The following ZRSR2 variants were observed in gnomAD, a reference collection of about 807,000 sequenced individuals.
ZRSR2 encodes zinc finger CCCH-type, RNA binding motif and serine/arginine rich 2.
A neutral mutation model predicts 39.4 loss-of-function variants in ZRSR2; 3 were observed. That is an observed-to-expected ratio of 0.08 (90% CI 0.03 to 0.20). ZRSR2 has a LOEUF of 0.20. ZRSR2 is among the 10% of genes least tolerant of loss of function. The pLI is 1.00. For synonymous variants in ZRSR2, 137 were observed against 136.0 expected, an observed-to-expected ratio of 1.01 and a Z score of -0.05; for missense variants, 256 against 391.5, an observed-to-expected ratio of 0.65 and a Z score of 2.92.
At chrX:15,822,647 C>A in intron 10 of ZRSR2, 84 bp from the exon 11 acceptor site, 1 of 1,190,223 alleles carries the variant, frequency 8.4e-7, no homozygotes, top group Non-Finnish European at 1.1e-6. Context: ...ATCCAAATAT[C>A]AGAAATGTAC....
chrX:15,821,909 G>A (rs1933116414), intron 10 of ZRSR2, among the ~76,000 whole-genome samples: 1 of 111,178 alleles, frequency 9.0e-6, no homozygotes, highest in African/African-American at 3.3e-5. Flanking sequence ...TGTATTAAAA[G>A]CACTTAGTGA....
Position 15,822,894 on chromosome X carries a change from G to A in ZRSR2, c.1101G>A (p.Met367Ile). ...FGKNSERRER[M>I]GHHDDYYSRL... ...AGAACTCCGAAAGGAGGGAGAGGAT[G>A]GGCCACCACGACGACTACTACAGCA... Residue 367 changes from methionine (M) to isoleucine (I), a missense_variant, in exon 11 of 11, where the codon ATG (methionine) becomes ATA (isoleucine). By Grantham distance (10) the Met-to-Ile change is conservative. Coordinates refer to ENST00000307771, the MANE Select transcript of ZRSR2 (RefSeq NM_005089.4). The A allele has an allele frequency of 1.6e-6, 2 of 1,212,308 alleles. No homozygotes were observed. Among genetic ancestry groups the A allele is most frequent in the Non-Finnish European group, 2.2e-6 (2 of 895,658 alleles).
Position 15,803,772 on chromosome X carries a change from T to TA in ZRSR2, c.294dup (p.Arg99ThrfsTer46), listed in dbSNP as rs1932745453. The TA allele has an allele frequency of 8.4e-7, 1 of 1,192,160 alleles. No homozygotes were observed. Among genetic ancestry groups the TA allele is most frequent in the Non-Finnish European group, 1.1e-6 (1 of 885,913 alleles). Reference sequence around the variant, plus strand: ...TAAAGAAGGAAAAGGAAGAGGCGGCTAAAAAACGGCAAGAAGAACAAGAGG... The same window carrying TA: ...TAAAGAAGGAAAAGGAAGAGGCGGCTAAAAAAACGGCAAGAAGAACAAGAGG... On this transcript the variant is annotated frameshift_variant, in exon 4 of 11. Transcript: ENST00000307771. LOFTEE classifies it high-confidence loss of function.
intron 3 of ZRSR2, among the ~76,000 whole-genome samples, chrX:15,800,391 C>T (rs968466728): frequency 5.5e-5 from 6 of 109,130 alleles, no homozygotes; most frequent in African/African-American, 1.7e-4. Context: ...TTCACCATGT[C>T]GGCCAGGGTG....
intron 6 of ZRSR2, among the ~76,000 whole-genome samples, chrX:15,808,757 G>T (rs1426991224): frequency 9.1e-6 from 1 of 109,770 alleles, no homozygotes; most frequent in African/African-American, 3.3e-5. Flanking sequence ...AAGTAGCTGG[G>T]ATTATAGGTG....
In ZRSR2 at chrX:15,817,667, A is replaced by C. The variant is rs777213871; in HGVS notation, c.772-920A>C. 3.6e-5 allele frequency among the ~76,000 whole-genome samples: 4 copies of C among 111,668 alleles called. No homozygotes were observed. In the East Asian group the frequency reaches 8.4e-4, roughly 24 times the overall value. On this transcript the variant is annotated intron_variant, in intron 8 of 10. Transcript: ENST00000307771. ...AACCACTTCAGAGAGCAGTTTGTCA[A>C]TACCTAGTGAAGGTACGTGTAACCT...
rs1027968036 is a variant in ZRSR2 at position 15,796,699 on chromosome X, A to G, written c.122-3173A>G. 1.1e-4 allele frequency among the ~76,000 whole-genome samples: 12 copies of G among 107,627 alleles called. No individual in the cohort carries two copies. In the Admixed American group the frequency reaches 1.2e-3, roughly 11 times the overall value. 93.5% of individuals were successfully genotyped at this position (107,627 alleles called of 115,157 possible). A position where few individuals can be genotyped will look rare whatever the true frequency, so the allele number is the denominator to read the frequency against. ...ATGATTATGTTGTAGCACAACTTTT[A>G]TAGTAATATTCAAGGAAAAATGTTT... On this transcript the variant is annotated intron_variant, in intron 2 of 10. Coordinates refer to ENST00000307771, the MANE Select transcript of ZRSR2 (RefSeq NM_005089.4).
At position 15,795,234 on chromosome X, in the gene ZRSR2, A is replaced by G. The variant is rs947819717; in HGVS notation, c.121+4221A>G. 2.7e-5 allele frequency among the ~76,000 whole-genome samples: 3 copies of G among 110,426 alleles called. No individual in the cohort carries two copies. In the Admixed American group the frequency reaches 2.9e-4, roughly 11 times the overall value. On this transcript the variant is annotated intron_variant, in intron 2 of 10. Coordinates refer to ENST00000307771, the MANE Select transcript of ZRSR2 (RefSeq NM_005089.4). ...CTTGATGATTTTCATGGCTTTTTCT[A>G]TAACAACAATAGCATCTTCAATGGT...
At chrX:15,803,334 A>G (rs1373853773) in intron 3 of ZRSR2, among the ~76,000 whole-genome samples, 1 of 111,693 alleles carries the variant, frequency 9.0e-6, no homozygotes, top group Non-Finnish European at 1.9e-5. Flanking sequence ...GAAAAGGTAG[A>G]TGCTGCTTTG....
chrX:15,808,468 G>A (rs893303048), intron 6 of ZRSR2, among the ~76,000 whole-genome samples, 197 bp downstream of exon 6: 1 of 111,236 alleles, frequency 9.0e-6, no homozygotes, highest in African/African-American at 3.3e-5. Context: ...CATGACCCCT[G>A]TGGACTGGAC....
chrX:15,791,384 A>G (rs759788118), intron 2 of ZRSR2, among the ~76,000 whole-genome samples: 13 of 112,258 alleles, frequency 1.2e-4, no homozygotes, highest in Non-Finnish European at 1.9e-4. Context: ...ACGTTTTGCA[A>G]GTTTTTCTCA....
chrX:15,818,742 G>A (rs751232653), intron 9 of ZRSR2, 100 bp downstream of exon 9: 33 of 642,412 alleles, frequency 5.1e-5, no homozygotes, highest in Non-Finnish European at 7.5e-5. Flanking sequence ...TAACTTTCAT[G>A]TATTTTATTT....
In ZRSR2 at chrX:15,790,913, GTA is replaced by G. The variant is rs758635849; in HGVS notation, c.42-17_42-16del. On this transcript the variant is annotated intron_variant, in intron 1 of 10. Transcript: ENST00000307771. ...CTGCATTGTAGCCGCTGATCGTCGTGTATATGTCTTAATCTTCCAGCCACAAA... is the reference window on the plus strand; with the variant it reads ...CTGCATTGTAGCCGCTGATCGTCGTGTATGTCTTAATCTTCCAGCCACAAA... 3 of 1,199,657 alleles carry G rather than the reference GTA, an allele frequency of 2.5e-6. No individual in the cohort carries two copies. The highest frequency in any genetic ancestry group is 3.0e-5 in the East Asian group (1 of 33,794).
Position 15,815,717 on chromosome X carries a change from C to G in ZRSR2, c.598C>G (p.Leu200Val). 1 of 1,210,621 alleles carries G rather than the reference C, an allele frequency of 8.3e-7. No homozygotes were observed. The highest frequency in any genetic ancestry group is 1.1e-6 in the Non-Finnish European group (1 of 894,642). ...TAATTTCCCAACATCCAGTCCTACC[C>G]TTCTTATTAAGAGCATGTTTACGAC... Reference protein sequence around the residue: ...KHNFPTSSPTLLIKSMFTTFG... With the variant: ...KHNFPTSSPTVLIKSMFTTFG... Residue 200 changes from leucine to valine, a missense_variant, in exon 8 of 11, where the codon CTT (leucine) becomes GTT (valine). Around this residue, in one of 3 missense-constraint regions of ZRSR2, gnomAD observed 58 missense variants for 163.1 expected, o/e 0.36. Transcript: ENST00000307771.
At chrX:15,811,476 G>C (rs913562772) in intron 7 of ZRSR2, among the ~76,000 whole-genome samples, 17 of 108,846 alleles carry the variant, frequency 1.6e-4, no homozygotes, top group African/African-American at 5.6e-4. Context: ...CCAGGCTGGA[G>C]TGCAGTGGCA....
intron 2 of ZRSR2, among the ~76,000 whole-genome samples, chrX:15,795,737 C>G (rs1168987037): frequency 9.0e-6 from 1 of 111,677 alleles, no homozygotes; most frequent in East Asian, 2.8e-4. Context: ...GTTAGCCTGT[C>G]TCTTTTTGTT....
intron 10 of ZRSR2, among the ~76,000 whole-genome samples, chrX:15,821,331 TA>T (rs201161176): frequency 0.079 from 7,818 of 99,154 alleles, 363 homozygotes; most frequent in East Asian, 0.31. Context: ...ACTATTTCAT[TA>T]AAAAAAAAAA....
chrX:15,805,835 G>A (rs773946448), intron 5 of ZRSR2, among the ~76,000 whole-genome samples: 1 of 72,534 alleles, frequency 1.4e-5, no homozygotes, highest in Non-Finnish European at 2.4e-5. Context: ...GGAGTCTGAG[G>A]CAGAAGAATC....
At chrX:15,812,571 T>C (rs1014898305) in intron 7 of ZRSR2, among the ~76,000 whole-genome samples, 10 of 111,810 alleles carry the variant, frequency 8.9e-5, no homozygotes, top group African/African-American at 2.9e-4. Flanking sequence ...CATGCTGGAA[T>C]TGGTATTTTT....
Sources: allele counts gnomAD v4.1 joint callset (sites outside exome capture counted in the v4.1 genomes callset), GRCh38; gene constraint gnomAD v4.1.1; regional missense constraint gnomAD v4.1.1; transcripts MANE v1.5; gene names NCBI Gene and HGNC (gene_info 2026-07-23, HGNC 2026-07-21).